TLL1: variants seen among roughly 807,000 people sequenced by gnomAD.
TLL1 encodes tolloid-like protein 1.
A neutral mutation model predicts 128.2 loss-of-function variants in TLL1; 49 were observed. That is an observed-to-expected ratio of 0.38 (90% confidence interval 0.30 to 0.48). The LOEUF is 0.48. Ranked by LOEUF, TLL1 falls within the 20% of genes least tolerant of loss-of-function variation. TLL1 has a pLI of 0.96. For missense variants in TLL1, 1,123 were observed against 1,242.0 expected (o/e 0.90, Z 1.44); for synonymous variants, 454 against 418.8 (o/e 1.08, Z -1.03).
At chr4:165,988,980 CT>C (rs1334555914) in intron 1 of TLL1, among the ~76,000 whole-genome samples, 2 of 152,054 alleles carry the variant, frequency 1.3e-5, no homozygotes, top group Non-Finnish European at 2.9e-5. Flanking sequence ...TTAGTTGTTA[CT>C]GCTTTTCCTT....
intron 7 of TLL1, among the ~76,000 whole-genome samples, chr4:166,011,667 T>C (rs72974334): frequency 0.18 from 26,818 of 151,398 alleles, 2,816 homozygotes; most frequent in African/African-American, 0.3. Context: ...CTTTCAGTAC[T>C]GTGTTGAATA....
intron 7 of TLL1, among the ~76,000 whole-genome samples, chr4:166,012,702 G>A (rs1393856): frequency 0.5 from 75,924 of 151,324 alleles, 19,876 homozygotes; most frequent in African/African-American, 0.66. Flanking sequence ...ACACTGGCCT[G>A]CCTGGAGTGG....
At chr4:165,930,939 G>T (rs1733485977) in intron 1 of TLL1, among the ~76,000 whole-genome samples, 1 of 152,178 alleles carries the variant, frequency 6.6e-6, no homozygotes. Context: ...TTAGGGAAAT[G>T]AATAAATAAC....
intron 1 of TLL1, among the ~76,000 whole-genome samples, chr4:165,914,967 A>G (rs1329408290): frequency 6.6e-6 from 1 of 152,218 alleles, no homozygotes; most frequent in Admixed American, 6.5e-5. Flanking sequence ...ATTGTCTGCC[A>G]ACAGTCCTGA....
intron 2 of TLL1, among the ~76,000 whole-genome samples, chr4:165,989,708 C>T (rs1210308395): frequency 6.1e-5 from 9 of 147,732 alleles, no homozygotes; most frequent in African/African-American, 7.5e-5. Flanking sequence ...TTGCTACATA[C>T]TAGGTCTGGT....
intron 18 of TLL1, among the ~76,000 whole-genome samples, chr4:166,080,720 T>C (rs1395965810): frequency 6.6e-6 from 1 of 152,194 alleles, no homozygotes; most frequent in Non-Finnish European, 1.5e-5. Context: ...GTGGATCTAA[T>C]CAGGAATTAA....
In TLL1 at chr4:165,976,034, C is replaced by CAA. The variant is rs1169297533; in HGVS notation, c.170-13324_170-13323dup. 3.3e-3 allele frequency among the ~76,000 whole-genome samples: 238 copies of CAA among 71,916 alleles called. 18 individuals are homozygous for CAA. Among genetic ancestry groups the CAA allele is most frequent in the East Asian group, 7.7e-3 (12 of 1,554 alleles). The allele number at this position is 71,916 out of a possible 152,430, so 47.2% of individuals were successfully genotyped here. ...TGGGTAACAGAGTGAGATTCCATCT[C>CAA]AAAAAAAAAAAAAAAAAAAAAAAAG... is the stretch of plus-strand genomic sequence containing the variant. On this transcript the variant is annotated intron_variant, in intron 1 of 20. Coordinates refer to ENST00000061240, the MANE Select transcript of TLL1 (RefSeq NM_012464.5).
In TLL1 at chr4:166,076,439, T is replaced by C. The variant is rs182159592; in HGVS notation, c.2314+1436T>C. Among the ~76,000 whole-genome samples the C allele has an allele frequency of 6.9e-4, 105 of 152,314 alleles. 2 individuals carry two copies. Among genetic ancestry groups the C allele is most frequent in the African/African-American group, 2.5e-3 (103 of 41,584 alleles). ...AGAGAAAAAAACAAGACAGCTTTTA[T>C]AGATTATACATGTAGCCTGTGGATC... On this transcript the variant is annotated intron_variant, in intron 17 of 20. Coordinates refer to ENST00000061240, the MANE Select transcript of TLL1 (RefSeq NM_012464.5).
chr4:165,898,822 C>T (rs1432187033), intron 1 of TLL1, among the ~76,000 whole-genome samples: 3 of 152,100 alleles, frequency 2.0e-5, no homozygotes, highest in Non-Finnish European at 4.4e-5. Context: ...CCTCTTTGTA[C>T]CTCTGGAAGA....
chr4:166,055,267 T>A lies in TLL1; in HGVS notation c.1716T>A (p.Phe572Leu). Residue 572 changes from phenylalanine (F) to leucine (L), a missense_variant, in exon 13 of 21, where the codon TTT becomes TTA. Physicochemically the swap from Phe to Leu is conservative, Grantham distance 22. Around this residue, in one of 3 missense-constraint regions of TLL1, gnomAD observed 634 missense variants for 672.4 expected, o/e 0.94. Coordinates refer to ENST00000061240, the MANE Select transcript of TLL1 (RefSeq NM_012464.5). ...AAGCAGGGTTTGCTGCTAACTTTTT[T>A]AAAGGTAATTTGAAATAATTTTCAA... is the stretch of plus-strand genomic sequence containing the variant. ...VNKAGFAANF[F>L]KEEDECAKPD... 6.2e-7 allele frequency: 1 copy of A among 1,613,376 alleles called. No homozygotes were observed. Among genetic ancestry groups the A allele is most frequent in the Non-Finnish European group, 8.5e-7 (1 of 1,179,580 alleles).
At chr4:166,043,043 G>C (rs1443424190) in intron 11 of TLL1, among the ~76,000 whole-genome samples, 1 of 152,080 alleles carries the variant, frequency 6.6e-6, no homozygotes, top group East Asian at 1.9e-4. Context: ...GTTAAGATAG[G>C]ATTAAAAATT....
intron 1 of TLL1, among the ~76,000 whole-genome samples, chr4:165,922,685 C>G (rs945261336): frequency 6.6e-6 from 1 of 152,190 alleles, no homozygotes; most frequent in Non-Finnish European, 1.5e-5. Context: ...CAAATTTTCT[C>G]TACTGTGAAA....
intron 1 of TLL1, among the ~76,000 whole-genome samples, chr4:165,987,150 G>T (rs1736425802): frequency 6.6e-6 from 1 of 151,934 alleles, no homozygotes; most frequent in Non-Finnish European, 1.5e-5. Flanking sequence ...AGTGTCTAGT[G>T]GCCACCACAC....
intron 4 of TLL1, 125 bp from the exon 5 acceptor site, chr4:165,994,936 T>G: frequency 1.3e-6 from 1 of 750,810 alleles, no homozygotes; most frequent in Non-Finnish European, 2.3e-6. Flanking sequence ...CATAAACTAG[T>G]ATTCTTTGGT....
chr4:166,022,751 A>G lies in TLL1; in HGVS notation c.1043-2565A>G, dbSNP rs543873412. Reference sequence around the variant, plus strand: ...AATGCACAATCTAAGTGGTGTTTACACAATTCAAACACAATTTTGTATGCT... The same window carrying G: ...AATGCACAATCTAAGTGGTGTTTACGCAATTCAAACACAATTTTGTATGCT... On this transcript the variant is annotated intron_variant, in intron 8 of 20. Transcript: ENST00000061240. 7.9e-5 allele frequency among the ~76,000 whole-genome samples: 12 copies of G among 152,346 alleles called. No homozygotes were observed. In the South Asian group the frequency reaches 2.5e-3, roughly 32 times the overall value.
intron 8 of TLL1, among the ~76,000 whole-genome samples, chr4:166,020,779 G>A (rs1579633440): frequency 6.6e-6 from 1 of 152,090 alleles, no homozygotes; most frequent in African/African-American, 2.4e-5. Context: ...ATTATGTCAA[G>A]TAACATAGTG....
intron 12 of TLL1, among the ~76,000 whole-genome samples, chr4:166,045,459 C>G (rs1739421467): frequency 1.3e-5 from 2 of 152,032 alleles, no homozygotes; most frequent in Non-Finnish European, 2.9e-5. Flanking sequence ...CAAACTATAC[C>G]TCATACACGA....
At chr4:166,055,350 A>G in intron 13 of TLL1, 79 bp downstream of exon 13, 1 of 1,265,974 alleles carries the variant, frequency 7.9e-7, no homozygotes, top group Non-Finnish European at 1.1e-6. Context: ...TTAGGGGAGA[A>G]CTAGAGAAAG....
At chr4:166,025,167 A>G in intron 8 of TLL1, 149 bp from the exon 9 acceptor site, 1 of 623,588 alleles carries the variant, frequency 1.6e-6, no homozygotes, top group Non-Finnish European at 2.9e-6. Context: ...GGGACATAAA[A>G]ATAAATTTAC....
Sources: allele counts gnomAD v4.1 joint callset (sites outside exome capture counted in the v4.1 genomes callset), GRCh38; gene constraint gnomAD v4.1.1; regional missense constraint gnomAD v4.1.1; transcripts MANE v1.5; gene names NCBI Gene and HGNC (gene_info 2026-07-23, HGNC 2026-07-21).